The following AXL variants were observed in gnomAD, a reference collection of about 807,000 sequenced individuals.
AXL encodes tyrosine-protein kinase receptor UFO.
Under a neutral mutation model 104.5 loss-of-function variants are expected in AXL, and 52 were observed. That is an observed-to-expected ratio of 0.50 (90% CI 0.40 to 0.63). AXL has a LOEUF of 0.63. Among genes scored for constraint, AXL ranks in the 20% least tolerant of loss-of-function variants. The pLI, the probability that AXL is intolerant of heterozygous loss-of-function variation, is 0.00. For synonymous variants in AXL, 455 were observed against 473.7 expected (o/e 0.96, Z 0.51); for missense variants, 1,024 against 1,188.5 (o/e 0.86, Z 2.04).
rs1201889268 is a variant in AXL, at chr19:41,238,580, C to G, written c.1105C>G (p.Leu369Val). The change falls in exon 8 of 20, where the codon CTG (leucine) becomes GTG (valine). Residue 369 changes from leucine (L) to valine (V), a missense_variant. Transcript: ENST00000301178. Reference protein sequence around the residue: ...PLQGTLLGYRLAYQGQDTPEV... With the variant: ...PLQGTLLGYRVAYQGQDTPEV... ...GCAGGGTACCCTGTTAGGGTACCGG[C>G]TGGCGTATCAAGGCCAGGACACCCC... is the stretch of plus-strand genomic sequence containing the variant. 6.2e-7 allele frequency: 1 copy of G among 1,612,804 alleles called. No homozygotes were observed. Among genetic ancestry groups the G allele is most frequent in the Non-Finnish European group, 8.5e-7 (1 of 1,179,244 alleles).
chr19:41,251,020 A>G (rs2034353674), intron 14 of AXL, among the ~76,000 whole-genome samples: 1 of 152,212 alleles, frequency 6.6e-6, no homozygotes, highest in Non-Finnish European at 1.5e-5. Flanking sequence ...CAGCCTGGGC[A>G]GTTGTGAGCA....
intron 10 of AXL, among the ~76,000 whole-genome samples, chr19:41,241,475 C>T (rs1185435815): frequency 1.4e-5 from 2 of 139,656 alleles, no homozygotes; most frequent in African/African-American, 2.7e-5. Flanking sequence ...ACCTGGGAGG[C>T]GGAGGTTACA....
intron 2 of AXL, 79 bp from the exon 3 acceptor site, chr19:41,221,067 C>A: frequency 7.3e-7 from 1 of 1,373,766 alleles, no homozygotes; most frequent in Non-Finnish European, 1.0e-6. Flanking sequence ...ACTGGACACC[C>A]TCTTTCCGTT....
At chr19:41,248,478 G>C (rs370349005) in intron 12 of AXL, 36 bp from the exon 13 acceptor site, 6 of 1,601,128 alleles carry the variant, frequency 3.7e-6, no homozygotes, top group Non-Finnish European at 5.1e-6. Context: ...TGTCAGCCCT[G>C]CTCCATGACT....
At chr19:41,224,212 T>C (rs762191305) in intron 4 of AXL, among the ~76,000 whole-genome samples, 10 of 151,714 alleles carry the variant, frequency 6.6e-5, no homozygotes, top group Non-Finnish European at 8.8e-5. Context: ...GCCTGGAGGG[T>C]AGTGGGTTTG....
At chr19:41,259,409 T>A in intron 19 of AXL, 144 bp from the exon 20 acceptor site, 1 of 678,110 alleles carries the variant, frequency 1.5e-6, no homozygotes, top group South Asian at 2.1e-5. Flanking sequence ...CAAATCCCCA[T>A]AGATGGCCTC....
At position 41,239,191 on chromosome 19, in the gene AXL, G is replaced by C. The variant is rs1489754754; in HGVS notation, c.1162G>C (p.Glu388Gln). 6.2e-7 allele frequency: 1 copy of C among 1,613,422 alleles called. No individual in the cohort carries two copies. Among genetic ancestry groups the C allele is most frequent in the Non-Finnish European group, 8.5e-7 (1 of 1,179,594 alleles). The part of the protein sequence containing the change: ...EVLMDIGLRQ[E>Q]VTLELQGDGS... ...GCTAATGGACATAGGGCTAAGGCAA[G>C]AGGTGACCCTGGAGCTGCAGGGGGA... is the stretch of plus-strand genomic sequence containing the variant. Residue 388 changes from glutamate to glutamine, a missense_variant, in exon 9 of 20, where the codon GAG (glutamate) becomes CAG (glutamine). Around this residue, in one of 5 missense-constraint regions of AXL, gnomAD observed 332 missense variants for 343.9 expected, o/e 0.97. Transcript: ENST00000301178.
At chr19:41,231,121 G>C in intron 5 of AXL, 62 bp from the exon 6 acceptor site, 1 of 1,611,300 alleles carries the variant, frequency 6.2e-7, no homozygotes, top group Non-Finnish European at 8.5e-7. Context: ...TGGGGGCAGA[G>C]AGCAGGGTAG....
At chr19:41,222,489 C>T (rs1040933240) in intron 4 of AXL, among the ~76,000 whole-genome samples, 15 of 152,184 alleles carry the variant, frequency 9.9e-5, no homozygotes, top group Admixed American at 2.6e-4. Flanking sequence ...TCCTCTCCTC[C>T]GCCTCCCTCC....
At chr19:41,232,162 G>A (rs2034002090) in intron 6 of AXL, among the ~76,000 whole-genome samples, 1 of 152,184 alleles carries the variant, frequency 6.6e-6, no homozygotes, top group African/African-American at 2.4e-5. Context: ...CTACTGGAAT[G>A]TGAGCTCTGA....
In AXL at chr19:41,253,688, C is replaced by T. The variant is rs150624962; in HGVS notation, c.2016C>T (p.Asp672=). 4 of 1,613,280 alleles carry T rather than the reference C, an allele frequency of 2.5e-6. No individual in the cohort carries two copies. The African/African-American group carries it at 4.0e-5, about 16-fold the overall frequency. ...GTACCAAGAGATTCATACACCGGGA[C>T]CTGGCGGCCAGGAACTGCATGTGAG... is the stretch of plus-strand genomic sequence containing the variant. ...YLSTKRFIHR[D]LAARNCMLNE... The change falls in exon 17 of 20, where the codon GAC becomes GAT. Residue 672 remains aspartate (D), a synonymous_variant. Coordinates refer to ENST00000301178, the MANE Select transcript of AXL (RefSeq NM_021913.5).
At chr19:41,226,813 G>GC in intron 4 of AXL, 1 of 985,444 alleles carries the variant, frequency 1.0e-6, no homozygotes, top group Non-Finnish European at 1.2e-6. Context: ...TGGTCCCAGG[G>GC]CCGGGCACCG....
intron 7 of AXL, 24 bp downstream of exon 7, chr19:41,238,178 C>G (rs183835905): frequency 1.2e-6 from 2 of 1,610,202 alleles, no homozygotes; most frequent in South Asian, 2.2e-5. Context: ...GGGAGGGACA[C>G]GTCACCACTG....
intron 19 of AXL, among the ~76,000 whole-genome samples, 180 bp from the exon 20 acceptor site, chr19:41,259,373 C>T (rs1318883049): frequency 6.6e-6 from 1 of 151,990 alleles, no homozygotes; most frequent in South Asian, 2.1e-4. Flanking sequence ...CTCCCAGGAC[C>T]CAACTCAGAA....
In AXL at chr19:41,242,939, G is replaced by C. The variant is rs2034208784; in HGVS notation, c.1369G>C (p.Ala457Pro). 6.2e-7 allele frequency: 1 copy of C among 1,614,100 alleles called. No individual in the cohort carries two copies. The highest frequency in any genetic ancestry group is 1.3e-5 in the African/African-American group (1 of 74,928). The change falls in exon 11 of 20, where the codon GCA (alanine) becomes CCA (proline). Residue 457 changes from alanine (A) to proline (P), a missense_variant. Around this residue, in one of 5 missense-constraint regions of AXL, gnomAD observed 523 missense variants for 636.0 expected, o/e 0.82. Coordinates refer to ENST00000301178, the MANE Select transcript of AXL (RefSeq NM_021913.5). ...SWPWWYVLLG[A>P]VVAAACVLIL... ...GCCCTGGTGGTATGTACTGCTAGGA[G>C]CAGTCGTGGCCGCTGCCTGTGTCCT...
chr19:41,235,121 G>C (rs2034055968), intron 6 of AXL, among the ~76,000 whole-genome samples: 1 of 152,112 alleles, frequency 6.6e-6, no homozygotes, highest in Non-Finnish European at 1.5e-5. Flanking sequence ...GGGAGGCTGA[G>C]CGGGCAGATC....
At chr19:41,221,061 G>T in intron 2 of AXL, 85 bp from the exon 3 acceptor site, 1 of 1,336,596 alleles carries the variant, frequency 7.5e-7, no homozygotes, top group Non-Finnish European at 1.0e-6. Context: ...TTCCAGACTG[G>T]ACACCCTCTT....
chr19:41,233,606 G>A (rs1452231539), intron 6 of AXL, among the ~76,000 whole-genome samples: 1 of 150,406 alleles, frequency 6.6e-6, no homozygotes, highest in Non-Finnish European at 1.5e-5. Context: ...CTCCAGCTTG[G>A]GTGACAGAGT....
chr19:41,248,753 A>T lies in AXL; in HGVS notation c.1644A>T (p.Gly548=), dbSNP rs766987058. The T allele has an allele frequency of 3.7e-6, 6 of 1,614,104 alleles. No homozygotes were observed. The highest frequency in any genetic ancestry group is 5.1e-6 in the Non-Finnish European group (6 of 1,180,008). The change falls in exon 14 of 20, where the codon GGA becomes GGT. Residue 548 remains glycine (G), a synonymous_variant. Transcript: ENST00000301178. ...TCTGGCCCCCCACAGGAGAGTTTGG[A>T]GCTGTGATGGAAGGCCAGCTCAACC... ...LGKTLGEGEF[G]AVMEGQLNQD...
Sources: allele counts gnomAD v4.1 joint callset (sites outside exome capture counted in the v4.1 genomes callset), GRCh38; gene constraint gnomAD v4.1.1; regional missense constraint gnomAD v4.1.1; transcripts MANE v1.5; gene names NCBI Gene and HGNC (gene_info 2026-07-23, HGNC 2026-07-21).